MAP4: variants seen among roughly 807,000 people sequenced by gnomAD.
The protein encoded by MAP4 is microtubule-associated protein 4.
A neutral mutation model predicts 170.2 loss-of-function variants in MAP4; 76 were observed. The observed-to-expected ratio is 0.45, with a 90% CI of 0.37 to 0.54. The LOEUF (loss-of-function observed/expected upper bound fraction) is 0.54. Ranked by LOEUF, MAP4 falls within the 20% of genes least tolerant of loss-of-function variation. The pLI, the probability that MAP4 is intolerant of heterozygous loss-of-function variation, is 0.00. For missense variants in MAP4, 2,506 were observed against 2,748.0 expected (o/e 0.91, Z 1.97); for synonymous variants, 909 against 994.5 (o/e 0.91, Z 1.62).
intron 10 of MAP4, among the ~76,000 whole-genome samples, chr3:47,882,927 C>T (rs528445160): frequency 6.6e-6 from 1 of 152,186 alleles, no homozygotes; most frequent in Admixed American, 6.5e-5. Context: ...ATGCCTCAGC[C>T]AACCGAGCAG....
At chr3:47,857,666 A>C (rs2058895777) in intron 17 of MAP4, among the ~76,000 whole-genome samples, 154 bp from the exon 18 acceptor site, 1 of 151,538 alleles carries the variant, frequency 6.6e-6, no homozygotes, top group Non-Finnish European at 1.5e-5. Context: ...CATCTCCCTA[A>C]GTACTTAAAA....
intron 1 of MAP4, among the ~76,000 whole-genome samples, chr3:48,063,143 C>A (rs927176144): frequency 6.7e-6 from 1 of 150,352 alleles, no homozygotes; most frequent in African/African-American, 2.4e-5. Flanking sequence ...ACTTCAAATT[C>A]ATTAAAAAAA....
Position 48,015,916 on chromosome 3 carries a change from G to C in MAP4, c.-20+418C>G, listed in dbSNP as rs574208334. On this transcript the variant is annotated intron_variant, in intron 1 of 20. Transcript: ENST00000683076. ...AACTGAGGAAGATCTTGACTATCCT[G>C]AGCAATAAACTACAACCCCCCTGAA... is the stretch of plus-strand genomic sequence containing the variant. Among the ~76,000 whole-genome samples, 3 of 152,206 alleles carry C rather than the reference G, an allele frequency of 2.0e-5. No individual in the cohort carries two copies. In the South Asian group the frequency reaches 6.2e-4, roughly 32 times the overall value.
chr3:47,947,518 G>C (rs1453185642), intron 3 of MAP4, among the ~76,000 whole-genome samples: 1 of 152,172 alleles, frequency 6.6e-6, no homozygotes, highest in Non-Finnish European at 1.5e-5. Context: ...TCTCCTAGAA[G>C]AGAGAAATCT....
At chr3:47,944,592 C>T (rs1206130803) in intron 3 of MAP4, among the ~76,000 whole-genome samples, 4 of 151,902 alleles carry the variant, frequency 2.6e-5, no homozygotes, top group African/African-American at 9.7e-5. Context: ...GCAAAATACA[C>T]GTGATTCTCC....
intron 1 of MAP4, among the ~76,000 whole-genome samples, chr3:48,062,274 T>G (rs2100136039): frequency 6.6e-6 from 1 of 152,122 alleles, no homozygotes; most frequent in Admixed American, 6.5e-5. Flanking sequence ...CAAGATGTGC[T>G]TTGTTAAACA....
chr3:47,993,699 G>T (rs1224193633), intron 2 of MAP4, among the ~76,000 whole-genome samples: 1 of 152,208 alleles, frequency 6.6e-6, no homozygotes, highest in African/African-American at 2.4e-5. Context: ...TAAAGACAAA[G>T]CACAATCAAA....
chr3:47,905,902 G>C (rs2100032697), intron 9 of MAP4, among the ~76,000 whole-genome samples: 1 of 152,064 alleles, frequency 6.6e-6, no homozygotes, highest in Non-Finnish European at 1.5e-5. Context: ...GCTGAGGTAG[G>C]AGAATCGCTT....
upstream of MAP4, among the ~76,000 whole-genome samples, chr3:48,017,523 A>C (rs2100108404): frequency 6.6e-6 from 1 of 150,506 alleles, no homozygotes; most frequent in African/African-American, 2.4e-5. Context: ...CTTACGTGTA[A>C]TATCAAGGCT....
At chr3:47,933,401 A>G (rs1173158127) in intron 3 of MAP4, among the ~76,000 whole-genome samples, 4 of 152,132 alleles carry the variant, frequency 2.6e-5, no homozygotes, top group African/African-American at 9.7e-5. Flanking sequence ...TACAACAGGT[A>G]AATTTTTGGG....
intron 8 of MAP4, among the ~76,000 whole-genome samples, chr3:47,914,578 CA>C (rs984411129): frequency 1.4e-5 from 2 of 148,040 alleles, no homozygotes; most frequent in Admixed American, 6.7e-5. Flanking sequence ...ACAACAACAA[CA>C]AAAAAAACAG....
intron 3 of MAP4, among the ~76,000 whole-genome samples, chr3:47,941,871 ATT>A (rs1313179286): frequency 7.2e-5 from 11 of 152,050 alleles, no homozygotes; most frequent in African/African-American, 1.4e-4. Context: ...CAATAAAAAT[ATT>A]GTTTATTATT....
intron 5 of MAP4, among the ~76,000 whole-genome samples, chr3:47,919,566 C>T (rs2153668141): frequency 6.6e-6 from 1 of 152,164 alleles, no homozygotes; most frequent in South Asian, 2.1e-4. Context: ...CCTTGGCCTC[C>T]CAACGTGCTG....
In MAP4 at chr3:47,918,703, G is replaced by A. The variant is rs2100041080; in HGVS notation, c.652+16C>T. ...CTGCAACCATTAACTGATAAAGGGA[G>A]TCTCTAATAGTTTACCTGCCGTTGG... On this transcript the variant is annotated intron_variant, in intron 6 of 20. Coordinates refer to ENST00000683076, the MANE Select transcript of MAP4 (RefSeq NM_001385682.1). 1.9e-6 allele frequency: 3 copies of A among 1,594,914 alleles called. No homozygotes were observed. The highest frequency in any genetic ancestry group is 1.7e-5 in the Admixed American group (1 of 59,790).
chr3:48,010,792 G>A (rs968911830), intron 1 of MAP4, among the ~76,000 whole-genome samples: 1 of 152,126 alleles, frequency 6.6e-6, no homozygotes, highest in African/African-American at 2.4e-5. Context: ...TATAGAGCAG[G>A]AAGAAAAACA....
At chr3:48,023,033 A>G (rs1029631530) in intron 1 of MAP4, among the ~76,000 whole-genome samples, 1 of 152,242 alleles carries the variant, frequency 6.6e-6, no homozygotes, top group African/African-American at 2.4e-5. Flanking sequence ...TACAAGAGAA[A>G]TGAAATGCAA....
In MAP4 at chr3:47,855,996, C is replaced by T. The variant is rs2055286760; in HGVS notation, c.6584-636G>A. ...GAGGAAGGAAAGACATGGACCAAGGCAGGCCTGGGATCTAGTGACCTCAGG... is the reference window on the plus strand; with the variant it reads ...GAGGAAGGAAAGACATGGACCAAGGTAGGCCTGGGATCTAGTGACCTCAGG... On this transcript the variant is annotated intron_variant, in intron 18 of 20. Coordinates refer to ENST00000683076, the MANE Select transcript of MAP4 (RefSeq NM_001385682.1). The surrounding 1 kb of genome is among the most constrained non-coding windows in gnomAD (Gnocchi z 5.1). 6.6e-6 allele frequency among the ~76,000 whole-genome samples: 1 copy of T among 152,210 alleles called. No homozygotes were observed. The highest frequency in any genetic ancestry group is 1.5e-5 in the Non-Finnish European group (1 of 68,036).
At chr3:47,994,852 G>C (rs1027593903) in intron 2 of MAP4, among the ~76,000 whole-genome samples, 1 of 152,066 alleles carries the variant, frequency 6.6e-6, no homozygotes, top group Non-Finnish European at 1.5e-5. Context: ...GGGGTGTTGA[G>C]GCAGGAGGAT....
At chr3:47,950,029 C>T (rs1423807043) in intron 3 of MAP4, among the ~76,000 whole-genome samples, 1 of 152,180 alleles carries the variant, frequency 6.6e-6, no homozygotes, top group Non-Finnish European at 1.5e-5. Context: ...TCGGCTGGTG[C>T]CATCCTCAGG....
Sources: gnomAD v4.1 joint callset for allele counts (sites outside exome capture counted in the v4.1 genomes callset) on GRCh38, gnomAD v4.1.1 for gene constraint, Gnocchi (gnomAD v3.1) non-coding constraint, MANE v1.5 for transcripts, NCBI Gene and HGNC (gene_info 2026-07-23, HGNC 2026-07-21) for gene names.